Variants in ZNF385D observed in about 807,000 individuals in gnomAD.
ZNF385D encodes zinc finger protein 385D.
In ZNF385D, 15 loss-of-function variants were observed where a neutral mutation model predicts 35.8. The ratio of observed to expected loss-of-function variants is 0.42; its 90% confidence interval spans 0.28 to 0.64. The LOEUF (loss-of-function observed/expected upper bound fraction) is 0.64. Ranked by LOEUF, ZNF385D falls within the 30% of genes least tolerant of loss-of-function variation. The pLI, the probability that ZNF385D is intolerant of heterozygous loss-of-function variation, is 0.23. For synonymous variants in ZNF385D, 212 were observed against 186.8 expected (o/e 1.13, Z -1.10); for missense variants, 474 against 494.6 (o/e 0.96, Z 0.39).
intron 2 of ZNF385D, among the ~76,000 whole-genome samples, chr3:22,288,575 T>C (rs984028751): frequency 4.6e-5 from 7 of 152,114 alleles, no homozygotes; most frequent in African/African-American, 1.7e-4. Context: ...AGTACTATGA[T>C]TTCTGTTTGG....
chr3:21,504,634 G>T (rs1706634795), intron 4 of ZNF385D, among the ~76,000 whole-genome samples: 1 of 152,122 alleles, frequency 6.6e-6, no homozygotes, highest in South Asian at 2.1e-4. Context: ...ATATGATAGG[G>T]CAACTAGAAA....
intron 2 of ZNF385D, among the ~76,000 whole-genome samples, chr3:21,647,913 G>A (rs1452959178): frequency 2.6e-5 from 4 of 151,974 alleles, no homozygotes; most frequent in Non-Finnish European, 5.9e-5. Flanking sequence ...AACGTCAACC[G>A]ATTAAAATAT....
chr3:21,560,290 G>A (rs1325367723), intron 3 of ZNF385D, among the ~76,000 whole-genome samples: 3 of 152,142 alleles, frequency 2.0e-5, no homozygotes, highest in African/African-American at 4.8e-5. Context: ...CCCCATCTTC[G>A]TGGATTCATC....
At chr3:22,284,652 G>C (rs1055444390) in intron 2 of ZNF385D, among the ~76,000 whole-genome samples, 1 of 151,916 alleles carries the variant, frequency 6.6e-6, no homozygotes, top group African/African-American at 2.4e-5. Flanking sequence ...CCTATTCACT[G>C]CATGTAAAAT....
At chr3:21,560,708 G>A (rs1485413052) in intron 3 of ZNF385D, among the ~76,000 whole-genome samples, 1 of 152,188 alleles carries the variant, frequency 6.6e-6, no homozygotes, top group African/African-American at 2.4e-5. Context: ...AGAGTCATCA[G>A]GCAGGGAACA....
intron 3 of ZNF385D, among the ~76,000 whole-genome samples, chr3:22,057,123 T>G (rs1699444027): frequency 6.6e-6 from 1 of 152,244 alleles, no homozygotes; most frequent in Non-Finnish European, 1.5e-5. Context: ...GTGTAAGATA[T>G]TTGTGTTTAA....
chr3:22,218,484 T>G (rs1649552481), intron 2 of ZNF385D, among the ~76,000 whole-genome samples: 1 of 152,082 alleles, frequency 6.6e-6, no homozygotes, highest in African/African-American at 2.4e-5. Flanking sequence ...TATATGTGTA[T>G]CTATGTACAT....
At chr3:21,645,046 G>C (rs554283952) in intron 2 of ZNF385D, among the ~76,000 whole-genome samples, 7 of 152,292 alleles carry the variant, frequency 4.6e-5, no homozygotes, top group African/African-American at 1.7e-4. Flanking sequence ...TGGATAATAA[G>C]TGTGCAATGA....
At position 22,180,914 on chromosome 3, in the gene ZNF385D, CTTTTTTTTTTTTT is replaced by C. The variant is rs61668943; in HGVS notation, c.107-11892_107-11880del. Among the ~76,000 whole-genome samples the C allele has an allele frequency of 6.6e-3, 750 of 112,976 alleles. 15 individuals are homozygous for C. Among genetic ancestry groups the C allele is most frequent in the African/African-American group, 0.03 (714 of 23,806 alleles). 74.1% of individuals were successfully genotyped at this position (112,976 alleles called of 152,430 possible). A position where few individuals can be genotyped will look rare whatever the true frequency, so the allele number is the denominator to read the frequency against. On this transcript the variant is annotated intron_variant, in intron 2 of 5. Transcript: ENST00000494108. ...AATCCAGTAGCTATATGCTTTTGTT[CTTTTTTTTTTTTT>C]TTTAAGAGACAGCTTTGCTTTCTCC...
chr3:22,235,073 A>G (rs566682875), intron 2 of ZNF385D, among the ~76,000 whole-genome samples: 1 of 152,160 alleles, frequency 6.6e-6, no homozygotes, highest in South Asian at 2.1e-4. Flanking sequence ...CAAAGCAATC[A>G]ATTGTTGGTC....
intron 3 of ZNF385D, among the ~76,000 whole-genome samples, chr3:21,769,483 A>T (rs1200873978): frequency 7.8e-6 from 1 of 128,346 alleles, no homozygotes; most frequent in African/African-American, 3.2e-5. Context: ...ACTCCCATTC[A>T]CAATTGCTTC....
chr3:21,997,391 C>T (rs1456317972), intron 3 of ZNF385D, among the ~76,000 whole-genome samples: 2 of 151,952 alleles, frequency 1.3e-5, no homozygotes, highest in African/African-American at 2.4e-5. Context: ...GGAGATATAC[C>T]TAATGTAAAT....
chr3:22,005,322 C>CT, intron 3 of ZNF385D, among the ~76,000 whole-genome samples: 1 of 151,942 alleles, frequency 6.6e-6, no homozygotes, highest in East Asian at 1.9e-4. Context: ...AAGGGGACTC[C>CT]TATACACTGT....
intron 2 of ZNF385D, among the ~76,000 whole-genome samples, chr3:22,184,892 T>TA (rs1695524352): frequency 6.6e-6 from 1 of 152,190 alleles, no homozygotes; most frequent in Non-Finnish European, 1.5e-5. Flanking sequence ...GCTCCATAGA[T>TA]ACCTGTTTTT....
At chr3:21,559,357 C>T (rs905830965) in intron 3 of ZNF385D, among the ~76,000 whole-genome samples, 4 of 152,070 alleles carry the variant, frequency 2.6e-5, no homozygotes, top group Admixed American at 2.0e-4. Context: ...TAAGGCAGGC[C>T]GGGTGGTGAC....
chr3:22,197,150 T>A lies in ZNF385D; in HGVS notation c.107-28115A>T, dbSNP rs59683132. Among the ~76,000 whole-genome samples, 1,185 of 152,194 alleles carry A rather than the reference T, an allele frequency of 7.8e-3. 19 individuals are homozygous for A. Among genetic ancestry groups the A allele is most frequent in the African/African-American group, 0.027 (1,118 of 41,552 alleles). On this transcript the variant is annotated intron_variant, in intron 2 of 5. Coordinates refer to the ZNF385D transcript ENST00000494108. ...TTTCCCTTTTAAAGGTGGAATTTTT[T>A]AAAAGATGTTTGGTGCAATTTTTGT...
At chr3:22,291,603 T>C (rs937628240) in intron 2 of ZNF385D, among the ~76,000 whole-genome samples, 1 of 152,084 alleles carries the variant, frequency 6.6e-6, no homozygotes, top group Admixed American at 6.5e-5. Context: ...TACTATTCTT[T>C]ACAACAGTTA....
At chr3:22,124,828 A>G (rs549806741) in intron 3 of ZNF385D, among the ~76,000 whole-genome samples, 1 of 152,154 alleles carries the variant, frequency 6.6e-6, no homozygotes, top group East Asian at 1.9e-4. Context: ...TTCTTGTCAG[A>G]TGGATAGTTT....
rs368273643 is a variant in ZNF385D, at chr3:22,311,376, C to CT, written c.106+61073dup. On this transcript the variant is annotated intron_variant, in intron 2 of 5. Transcript: ENST00000494108. ...CTTACAAAAACTTCTGATTAGGTTG[C>CT]TTTTTGGGTTAATATTTCCAGTATT... Among the ~76,000 whole-genome samples the CT allele has an allele frequency of 9.9e-3, 1,511 of 152,018 alleles. 17 individuals are homozygous for CT. Among genetic ancestry groups the CT allele is most frequent in the African/African-American group, 0.034 (1,425 of 41,494 alleles).
Sources: allele counts gnomAD v4.1 joint callset (sites outside exome capture counted in the v4.1 genomes callset), GRCh38; gene constraint gnomAD v4.1.1; transcripts MANE v1.5; gene names NCBI Gene and HGNC (gene_info 2026-07-23, HGNC 2026-07-21).